Variants in HTR4 observed in about 807,000 individuals in gnomAD.
HTR4 encodes the protein 5-hydroxytryptamine (serotonin) receptor 4, G protein-coupled.
HTR4 carries 16 observed loss-of-function variants against 36.8 expected under a neutral mutation model. The ratio of observed to expected loss-of-function variants is 0.43; its 90% CI spans 0.29 to 0.66. The LOEUF (loss-of-function observed/expected upper bound fraction) is 0.66. HTR4 is among the 30% of genes least tolerant of loss of function. The pLI is 0.13. For missense variants in HTR4, 438 were observed against 490.9 expected, an observed-to-expected ratio of 0.89 and a Z score of 1.02; for synonymous variants, 189 against 185.1, an observed-to-expected ratio of 1.02 and a Z score of -0.17.
chr5:148,614,515 T>C (rs983981244), intron 2 of HTR4, among the ~76,000 whole-genome samples: 2 of 152,110 alleles, frequency 1.3e-5, no homozygotes, highest in African/African-American at 4.8e-5. Context: ...CCTTACACCT[T>C]ATACAAAAAT....
downstream of HTR4, chr5:148,476,869 C>A: frequency 6.9e-7 from 1 of 1,458,334 alleles, no homozygotes; most frequent in Non-Finnish European, 9.2e-7. Flanking sequence ...TCATGCAGTC[C>A]TGGAGGCTGG....
intron 6 of HTR4, chr5:148,490,973 T>C (rs1756397565): frequency 1.1e-5 from 4 of 376,794 alleles, no homozygotes; most frequent in South Asian, 2.1e-5. Context: ...ATTTACCCTC[T>C]TCTGAACATA....
chr5:148,521,246 T>C (rs1758000015), intron 5 of HTR4, among the ~76,000 whole-genome samples: 1 of 152,220 alleles, frequency 6.6e-6, no homozygotes, highest in African/African-American at 2.4e-5. Context: ...CAGAATGAGA[T>C]GGTTAATTTT....
chr5:148,550,797 C>G (rs1349925168), intron 2 of HTR4, among the ~76,000 whole-genome samples: 1 of 152,110 alleles, frequency 6.6e-6, no homozygotes, highest in Non-Finnish European at 1.5e-5. Context: ...GCATGGGGAC[C>G]AAATAAAGAA....
intron 2 of HTR4, among the ~76,000 whole-genome samples, chr5:148,570,778 T>C (rs931387369): frequency 2.6e-5 from 4 of 152,134 alleles, no homozygotes; most frequent in Non-Finnish European, 4.4e-5. Context: ...TTGACCTATC[T>C]GGTGTATAAA....
In HTR4 at chr5:148,654,295, C is replaced by A; in HGVS notation, c.-281G>T. On this transcript the variant is annotated 5_prime_UTR_variant, in exon 1 of 7. Coordinates refer to ENST00000377888, the MANE Select transcript of HTR4 (RefSeq NM_000870.7). ...CCCAGCCCCGGATCACCTGGGCTCG[C>A]CGCGCATCGTCCTTCTCCCCAACCG... is the stretch of plus-strand genomic sequence containing the variant. 1 of 984,714 alleles carries A rather than the reference C, an allele frequency of 1.0e-6. No individual in the cohort carries two copies. The highest frequency in any genetic ancestry group is 1.2e-6 in the Non-Finnish European group (1 of 829,324). The allele number at this position is 984,714 out of a possible 1,614,324, so 61.0% of individuals were successfully genotyped here. A position where few individuals can be genotyped will look rare whatever the true frequency, so the allele number is the denominator to read the frequency against.
chr5:148,564,835 G>A (rs770500227), intron 2 of HTR4, among the ~76,000 whole-genome samples: 33 of 152,218 alleles, frequency 2.2e-4, no homozygotes, highest in Non-Finnish European at 2.4e-4. Context: ...AATTTGGCCC[G>A]ATGTGGTGGC....
intron 3 of HTR4, among the ~76,000 whole-genome samples, chr5:148,549,561 C>T (rs1424865355): frequency 6.6e-6 from 1 of 152,096 alleles, no homozygotes; most frequent in Non-Finnish European, 1.5e-5. Context: ...GTTCAGGCAC[C>T]CTGGGGAGTT....
chr5:148,530,924 GC>G (rs1488359363), intron 4 of HTR4, among the ~76,000 whole-genome samples: 1 of 152,168 alleles, frequency 6.6e-6, no homozygotes, highest in African/African-American at 2.4e-5. Flanking sequence ...AGATTTTAGT[GC>G]CCCACTGTAT....
At chr5:148,547,212 T>C (rs1420470394) in intron 4 of HTR4, among the ~76,000 whole-genome samples, 1 of 152,150 alleles carries the variant, frequency 6.6e-6, no homozygotes, top group Non-Finnish European at 1.5e-5. Flanking sequence ...TCCCCCAGTG[T>C]GATTAATTCT....
At chr5:148,547,562 A>AAAATAAAATAAAATAAAATAAAATAAAAT (rs1554094300) in intron 4 of HTR4, among the ~76,000 whole-genome samples, 20 of 138,914 alleles carry the variant, frequency 1.4e-4, no homozygotes, top group African/African-American at 5.5e-4. Context: ...AAAATAAAAT[A>AAAATAAAATAAAATAAAATAAAATAAAAT]AAATAAATAA....
intron 5 of HTR4, chr5:148,520,776 T>C (rs1264829318): frequency 1.9e-5 from 18 of 930,210 alleles, no homozygotes; most frequent in Non-Finnish European, 2.5e-5. Flanking sequence ...AAAATTTGGA[T>C]TTCATTTCCT....
intron 1 of HTR4, among the ~76,000 whole-genome samples, chr5:148,642,394 G>C (rs530379486): frequency 8.5e-5 from 13 of 152,290 alleles, no homozygotes; most frequent in African/African-American, 3.1e-4. Flanking sequence ...GAAATGTCAA[G>C]TAATTAGAAC....
chr5:148,526,370 A>C (rs541012864), intron 4 of HTR4, among the ~76,000 whole-genome samples: 1 of 152,180 alleles, frequency 6.6e-6, no homozygotes, highest in Non-Finnish European at 1.5e-5. Flanking sequence ...AAGTTTTGGC[A>C]TCCTTTCTTC....
At chr5:148,459,638 C>T (rs1055013478) in intron 5 of HTR4, among the ~76,000 whole-genome samples, 1 of 152,134 alleles carries the variant, frequency 6.6e-6, no homozygotes, top group Admixed American at 6.6e-5. Context: ...CATACCTTAA[C>T]ACCATATGGG....
At chr5:148,616,535 T>A (rs1164402394) in intron 2 of HTR4, among the ~76,000 whole-genome samples, 1 of 152,218 alleles carries the variant, frequency 6.6e-6, no homozygotes, top group African/African-American at 2.4e-5. Context: ...ATTTACCCTC[T>A]TCAGTTGCTG....
intron 2 of HTR4, among the ~76,000 whole-genome samples, chr5:148,571,603 G>T (rs1362085142): frequency 6.6e-6 from 1 of 151,956 alleles, no homozygotes; most frequent in Non-Finnish European, 1.5e-5. Flanking sequence ...GTTGATCTGG[G>T]GTGATTGAGA....
intron 5 of HTR4, among the ~76,000 whole-genome samples, chr5:148,462,540 A>T (rs778256399): frequency 6.6e-6 from 1 of 152,110 alleles, no homozygotes; most frequent in Admixed American, 6.5e-5. Context: ...CTTTCAAAAC[A>T]GAAAGTACCA....
At chr5:148,603,932 A>G (rs1752032345) in intron 2 of HTR4, among the ~76,000 whole-genome samples, 1 of 152,128 alleles carries the variant, frequency 6.6e-6, no homozygotes, top group Non-Finnish European at 1.5e-5. Flanking sequence ...GAGAAAAAAG[A>G]CTTTTCAATG....
Sources: allele counts gnomAD v4.1 joint callset (sites outside exome capture counted in the v4.1 genomes callset), GRCh38; gene constraint gnomAD v4.1.1; transcripts MANE v1.5; gene names NCBI Gene and HGNC (gene_info 2026-07-23, HGNC 2026-07-21).